ILDR2: variants seen among roughly 807,000 people sequenced by gnomAD.
ILDR2 encodes the protein immunoglobulin-like domain-containing receptor 2.
ILDR2 carries 25 observed loss-of-function variants against 66.8 expected under a neutral mutation model. The observed-to-expected ratio is 0.37, with a 90% CI of 0.27 to 0.52. The LOEUF (loss-of-function observed/expected upper bound fraction) is 0.52, where lower values mean the gene tolerates loss of function less well. Ranked by LOEUF, ILDR2 falls within the 20% of genes least tolerant of loss-of-function variation. ILDR2 has a pLI of 0.88. For missense variants in ILDR2, 827 were observed against 876.8 expected (o/e 0.94, Z 0.72); for synonymous variants, 367 against 357.2 (o/e 1.03, Z -0.31).
chr1:166,937,168 G>A (rs750386728), intron 4 of ILDR2, among the ~76,000 whole-genome samples: 10 of 152,152 alleles, frequency 6.6e-5, no homozygotes, highest in Non-Finnish European at 1.5e-4. Context: ...TTTTTGTCAA[G>A]TTAATCCTCT....
chr1:166,936,515 A>G lies in ILDR2; in HGVS notation c.703+76T>C. 2 of 1,597,372 alleles carry G rather than the reference A, an allele frequency of 1.3e-6. No individual in the cohort carries two copies. Among genetic ancestry groups the G allele is most frequent in the South Asian group, 1.1e-5 (1 of 88,368 alleles). ...AGGACAGGAGGTGGAGGAGGAACCC[A>G]GCGCACACAGCTGTCAGGTAGAGAG... On this transcript the variant is annotated intron_variant, in intron 5 of 9. Coordinates refer to ENST00000271417, the MANE Select transcript of ILDR2 (RefSeq NM_199351.3). This position sits in a 1 kb window ranked among gnomAD's most constrained non-coding sequence, Gnocchi z 5.0.
At chr1:166,935,242 A>G in intron 6 of ILDR2, 59 bp downstream of exon 6, 6 of 1,561,856 alleles carry the variant, frequency 3.8e-6, no homozygotes, top group Non-Finnish European at 5.3e-6. Flanking sequence ...CTTAACAACA[A>G]GGAACCACTG....
Position 166,957,772 on chromosome 1 carries a change from G to A in ILDR2, c.376C>T (p.His126Tyr). ...TTCAAAATAGGGGCATTATTACCAT[G>A]AACAATCGTGATCTCTCTGCCCCTG... ...FYRGREITIV[H>Y]DADLQIGKLM... Residue 126 changes from histidine (H) to tyrosine (Y), a missense_variant, in exon 2 of 10, where the codon CAT (histidine) becomes TAT (tyrosine). Physicochemically the swap from His to Tyr is moderately conservative, Grantham distance 83. Around this residue, in one of 2 missense-constraint regions of ILDR2, gnomAD observed 437 missense variants for 523.2 expected, o/e 0.84. Transcript: ENST00000271417. 1 of 1,605,998 alleles carries A rather than the reference G, an allele frequency of 6.2e-7. No individual in the cohort carries two copies. The highest frequency in any genetic ancestry group is 8.5e-7 in the Non-Finnish European group (1 of 1,173,618).
rs574833619 is a variant in ILDR2 at position 166,950,999 on chromosome 1, G to T, written c.499+5734C>A. Among the ~76,000 whole-genome samples the T allele has an allele frequency of 3.3e-5, 5 of 152,232 alleles. No individual in the cohort carries two copies. The East Asian group carries it at 9.6e-4, about 29-fold the overall frequency. Reference sequence around the variant, plus strand: ...ATTTGGACCATAAAGAAGCACAAATGGATGAATTCCCCAAAATGTTCATGT... The same window carrying T: ...ATTTGGACCATAAAGAAGCACAAATTGATGAATTCCCCAAAATGTTCATGT... On this transcript the variant is annotated intron_variant, in intron 3 of 9. Coordinates refer to ENST00000271417, the MANE Select transcript of ILDR2 (RefSeq NM_199351.3).
Position 166,932,714 on chromosome 1 carries a change from ATAC to A in ILDR2, c.880+2584_880+2586del, listed in dbSNP as rs1660707508. ...TCTTCCATTCAGGAACCAACTGGCT[ATAC>A]TATACATAGTTCATCAAAGATGCCC... On this transcript the variant is annotated intron_variant, in intron 6 of 9. Transcript: ENST00000271417. Among the ~76,000 whole-genome samples, 13 of 152,350 alleles carry A rather than the reference ATAC, an allele frequency of 8.5e-5. No homozygotes were observed. In the South Asian group the frequency reaches 2.7e-3, roughly 32 times the overall value.
chr1:166,970,971 A>C (rs938800920), intron 1 of ILDR2, among the ~76,000 whole-genome samples: 5 of 152,166 alleles, frequency 3.3e-5, no homozygotes, highest in African/African-American at 1.2e-4. Context: ...TCTAAAAGCG[A>C]TTCTTCTTTC....
At chr1:166,929,657 T>C (rs533895021) in intron 6 of ILDR2, among the ~76,000 whole-genome samples, 17 of 152,336 alleles carry the variant, frequency 1.1e-4, no homozygotes, top group African/African-American at 4.1e-4. Context: ...GGTTCGCTTC[T>C]GTATCCCCAG....
chr1:166,974,436 G>A (rs866527328), intron 1 of ILDR2, among the ~76,000 whole-genome samples: 1 of 152,220 alleles, frequency 6.6e-6, no homozygotes, highest in Non-Finnish European at 1.5e-5. Flanking sequence ...GCAGAATGGG[G>A]AGAAAGTTCA....
intron 1 of ILDR2, among the ~76,000 whole-genome samples, chr1:166,960,168 T>G (rs1211719685): frequency 6.6e-6 from 1 of 152,226 alleles, no homozygotes; most frequent in African/African-American, 2.4e-5. Context: ...TAATTCCTGT[T>G]GGGGAAAAGG....
downstream of ILDR2, among the ~76,000 whole-genome samples, chr1:166,905,037 A>G (rs1659317418): frequency 6.6e-6 from 1 of 152,220 alleles, no homozygotes; most frequent in Non-Finnish European, 1.5e-5. Flanking sequence ...AACCAGTTTA[A>G]CCTATGGCCC....
chr1:166,963,218 C>T (rs368702334), intron 1 of ILDR2, among the ~76,000 whole-genome samples: 2 of 152,172 alleles, frequency 1.3e-5, no homozygotes, highest in East Asian at 1.9e-4. Flanking sequence ...CTGTCACTCC[C>T]TTAAATCAAG....
intron 1 of ILDR2, among the ~76,000 whole-genome samples, chr1:166,974,886 G>A (rs7533688): frequency 0.31 from 46,688 of 152,032 alleles, 8,492 homozygotes; most frequent in African/African-American, 0.52. Flanking sequence ...ACAAACTCAG[G>A]ATAAGACCGA....
At position 166,948,177 on chromosome 1, in the gene ILDR2, TC is replaced by T. The variant is rs201287191; in HGVS notation, c.499+8555del. ...AGGTGGAGGTGAGCCGACACTAATT[TC>T]CCCCCCAACCCTCTGGATCTTCTGT... is the stretch of plus-strand genomic sequence containing the variant. On this transcript the variant is annotated intron_variant, in intron 3 of 9. Coordinates refer to ENST00000271417, the MANE Select transcript of ILDR2 (RefSeq NM_199351.3). Among the ~76,000 whole-genome samples, 16 of 151,746 alleles carry T rather than the reference TC, an allele frequency of 1.1e-4. No individual in the cohort carries two copies. The East Asian group carries it at 2.3e-3, about 22-fold the overall frequency.
At position 166,916,454 on chromosome 1, in the gene ILDR2, C is replaced by T. The variant is rs1659647352; in HGVS notation, c.*2901G>A. 6.6e-6 allele frequency: 1 copy of T among 152,154 alleles called. No homozygotes were observed. The highest frequency in any genetic ancestry group is 1.5e-5 in the Non-Finnish European group (1 of 68,040). The allele number at this position is 152,154 out of a possible 1,614,324, so 9.4% of individuals were successfully genotyped here. A position where few individuals can be genotyped will look rare whatever the true frequency, so the allele number is the denominator to read the frequency against. ...TATTAAATTACGGGGTCCTAGTGGACAGAGATTATGTCTTACACAAGATTT... is the reference window on the plus strand; with the variant it reads ...TATTAAATTACGGGGTCCTAGTGGATAGAGATTATGTCTTACACAAGATTT... On this transcript the variant is annotated 3_prime_UTR_variant, in exon 10 of 10. Transcript: ENST00000271417.
At chr1:166,937,638 A>T (rs551873722) in intron 4 of ILDR2, among the ~76,000 whole-genome samples, 1 of 152,350 alleles carries the variant, frequency 6.6e-6, no homozygotes, top group Non-Finnish European at 1.5e-5. Flanking sequence ...GAGAAAGGAA[A>T]CAAATTGCGA....
chr1:166,975,217 T>C lies in ILDR2; in HGVS notation c.46+6A>G. 6.2e-7 allele frequency: 1 copy of C among 1,609,460 alleles called. No homozygotes were observed. The highest frequency in any genetic ancestry group is 1.3e-5 in the African/African-American group (1 of 74,894). ...GTTATTCGTTTCTGTTGAAAAGGAC[T>C]CTTACCTGTTAGCCAGAAGAGAGAA... On this transcript the variant is annotated splice_donor_region_variant and intron_variant, in intron 1 of 9. Coordinates refer to ENST00000271417, the MANE Select transcript of ILDR2 (RefSeq NM_199351.3).
At chr1:166,972,854 C>T (rs951047805) in intron 1 of ILDR2, among the ~76,000 whole-genome samples, 1 of 152,164 alleles carries the variant, frequency 6.6e-6, no homozygotes, top group African/African-American at 2.4e-5. Context: ...CTTTCTACCA[C>T]CCCCTCAAAA....
At chr1:166,951,209 GA>G (rs1209273784) in intron 3 of ILDR2, among the ~76,000 whole-genome samples, 1 of 152,190 alleles carries the variant, frequency 6.6e-6, no homozygotes, top group Non-Finnish European at 1.5e-5. Flanking sequence ...AAACTATGGG[GA>G]AAGAGGCACT....
Position 166,921,255 on chromosome 1 carries a change from C to G in ILDR2, c.1336G>C (p.Gly446Arg), listed in dbSNP as rs752278365. The change falls in exon 9 of 10, where the codon GGC (glycine) becomes CGC (arginine). Residue 446 changes from glycine (G) to arginine (R), a missense_variant. Around this residue, in one of 2 missense-constraint regions of ILDR2, gnomAD observed 390 missense variants for 353.6 expected, o/e 1.10. Coordinates refer to ENST00000271417, the MANE Select transcript of ILDR2 (RefSeq NM_199351.3). The surrounding 1 kb of genome is among the most constrained non-coding windows in gnomAD (Gnocchi z 5.3). ...CCGCCCCGCGCCTCGTGACTGTTGC[C>G]GTCTGCCCGGCGGGGCCGCTGGCCG... ...SYGQRPRRAD[G>R]NSHEARGGSR... 6.3e-7 allele frequency: 1 copy of G among 1,599,284 alleles called. No homozygotes were observed. The highest frequency in any genetic ancestry group is 8.5e-7 in the Non-Finnish European group (1 of 1,176,414).
Sources: allele counts gnomAD v4.1 joint callset (sites outside exome capture counted in the v4.1 genomes callset), GRCh38; gene constraint gnomAD v4.1.1; regional missense constraint gnomAD v4.1.1; non-coding constraint Gnocchi (gnomAD v3.1); transcripts MANE v1.5; gene names NCBI Gene and HGNC (gene_info 2026-07-23, HGNC 2026-07-21).